KIAA0825: variants seen among roughly 807,000 people sequenced by gnomAD.
KIAA0825 encodes uncharacterized protein KIAA0825.
In KIAA0825, 119 loss-of-function variants were observed where a neutral mutation model predicts 147.6. The ratio of observed to expected loss-of-function variants is 0.81; its 90% confidence interval spans 0.69 to 0.94. KIAA0825 has a LOEUF of 0.94. Ranked by LOEUF, KIAA0825 falls within the 40% of genes least tolerant of loss-of-function variation. KIAA0825 has a pLI of 0.00. For missense variants in KIAA0825, 1,381 were observed against 1,472.7 expected, an observed-to-expected ratio of 0.94 and a Z score of 1.02; for synonymous variants, 470 against 518.1, an observed-to-expected ratio of 0.91 and a Z score of 1.26.
In KIAA0825 at chr5:94,616,357, T is replaced by C. The variant is rs141840856; in HGVS notation, c.-153+2143A>G. On this transcript the variant is annotated intron_variant, in intron 1 of 20. Transcript: ENST00000682413. The stretch of plus-strand genomic sequence containing the variant: ...GCTATTTCTGTTTCTCTATATAGAA[T>C]TGGGTATTGGGATGGGCAGGTTTAA... 4.0e-3 allele frequency among the ~76,000 whole-genome samples: 606 copies of C among 152,302 alleles called. 3 individuals are homozygous for C. The highest frequency in any genetic ancestry group is 6.2e-3 in the Non-Finnish European group (419 of 68,012).
chr5:94,596,406 T>C (rs1369412696), intron 1 of KIAA0825, among the ~76,000 whole-genome samples: 1 of 152,186 alleles, frequency 6.6e-6, no homozygotes, highest in African/African-American at 2.4e-5. Context: ...TGTGGCCTTA[T>C]TTCTGGGCTC....
At chr5:94,539,622 G>A (rs932823117) in intron 2 of KIAA0825, among the ~76,000 whole-genome samples, 2 of 152,114 alleles carry the variant, frequency 1.3e-5, no homozygotes, top group African/African-American at 4.8e-5. Context: ...CCAACTCTGG[G>A]TAAGTGGTGG....
At chr5:94,599,838 G>A (rs1347845773) in intron 1 of KIAA0825, among the ~76,000 whole-genome samples, 2 of 152,106 alleles carry the variant, frequency 1.3e-5, no homozygotes, top group Non-Finnish European at 2.9e-5. Flanking sequence ...ATGGAATGCC[G>A]CAGAGGTTTT....
chr5:94,209,913 G>C (rs1772548459), intron 20 of KIAA0825, among the ~76,000 whole-genome samples: 3 of 152,172 alleles, frequency 2.0e-5, no homozygotes, highest in Admixed American at 2.0e-4. Context: ...GCTACATTTG[G>C]ACTAAATGAG....
chr5:94,611,994 C>T (rs1788944878), intron 1 of KIAA0825: 2 of 151,902 alleles, frequency 1.3e-5, no homozygotes, highest in South Asian at 4.2e-4. Context: ...TTATAGGCTA[C>T]CTGAATTTAG....
intron 3 of KIAA0825, among the ~76,000 whole-genome samples, chr5:94,529,204 A>C (rs1485932929): frequency 7.7e-6 from 1 of 129,488 alleles, no homozygotes; most frequent in Non-Finnish European, 1.6e-5. Context: ...GAAGTAGTAT[A>C]TATATCATAT....
At chr5:94,582,098 CAGTT>C (rs1468856701) in intron 2 of KIAA0825, among the ~76,000 whole-genome samples, 3 of 152,242 alleles carry the variant, frequency 2.0e-5, no homozygotes, top group African/African-American at 7.2e-5. Flanking sequence ...CAAGTAAAGT[CAGTT>C]AGTGGTGGTT....
At chr5:94,597,323 T>C (rs1248650001) in intron 1 of KIAA0825, among the ~76,000 whole-genome samples, 2 of 152,168 alleles carry the variant, frequency 1.3e-5, no homozygotes, top group Admixed American at 6.5e-5. Context: ...ACATATGTTT[T>C]ATCAGCACAA....
chr5:94,478,535 C>T (rs1243619556), intron 6 of KIAA0825, among the ~76,000 whole-genome samples: 1 of 151,696 alleles, frequency 6.6e-6, no homozygotes, highest in Non-Finnish European at 1.5e-5. Flanking sequence ...ATCCAATGGA[C>T]TGCAGTTTAA....
At chr5:94,469,939 G>A (rs1168800645) in intron 10 of KIAA0825, 22 bp downstream of exon 10, 2 of 1,527,294 alleles carry the variant, frequency 1.3e-6, no homozygotes, top group African/African-American at 1.4e-5. Flanking sequence ...AAAAAGGAGG[G>A]ATAGTAAACT....
At chr5:94,403,447 T>G (rs1751654048) in intron 16 of KIAA0825, 122 bp downstream of exon 16, 1 of 697,740 alleles carries the variant, frequency 1.4e-6, no homozygotes, top group East Asian at 2.7e-5. Context: ...GCACATCTAC[T>G]TAATGGAAGG....
At chr5:94,318,819 AG>A (rs1406007091) in intron 20 of KIAA0825, among the ~76,000 whole-genome samples, 5 of 151,928 alleles carry the variant, frequency 3.3e-5, no homozygotes, top group African/African-American at 1.2e-4. Context: ...TTGAGGAAGT[AG>A]GACAGGACCA....
At chr5:94,587,247 C>T (rs1783474996) in intron 1 of KIAA0825, among the ~76,000 whole-genome samples, 1 of 152,158 alleles carries the variant, frequency 6.6e-6, no homozygotes, top group Non-Finnish European at 1.5e-5. Context: ...AAGAGGAAGT[C>T]AAATTGTCCC....
intron 20 of KIAA0825, among the ~76,000 whole-genome samples, chr5:94,185,449 A>G (rs1770035793): frequency 1.3e-5 from 2 of 152,194 alleles, no homozygotes; most frequent in Admixed American, 1.3e-4. Context: ...GCCACATATT[A>G]AATATTTGTA....
intron 14 of KIAA0825, among the ~76,000 whole-genome samples, chr5:94,425,533 A>C (rs1754745285): frequency 6.6e-6 from 1 of 152,122 alleles, no homozygotes; most frequent in African/African-American, 2.4e-5. Flanking sequence ...GCGGCCAGGC[A>C]TTCAAGACCA....
intron 20 of KIAA0825, among the ~76,000 whole-genome samples, chr5:94,195,892 AAC>A (rs1361719357): frequency 2.0e-5 from 3 of 152,106 alleles, no homozygotes; most frequent in Non-Finnish European, 4.4e-5. Flanking sequence ...ATTAAGTGAC[AAC>A]AGTGGCAGAT....
At chr5:94,286,956 T>A (rs944382881) in intron 20 of KIAA0825, among the ~76,000 whole-genome samples, 3 of 152,152 alleles carry the variant, frequency 2.0e-5, no homozygotes, top group African/African-American at 7.2e-5. Context: ...GCTCGTCTTA[T>A]AACCAGAGTT....
intron 20 of KIAA0825, among the ~76,000 whole-genome samples, chr5:94,169,025 C>G (rs573574837): frequency 1.3e-5 from 2 of 152,092 alleles, no homozygotes; most frequent in African/African-American, 4.8e-5. Context: ...CTAAAGTTAT[C>G]AAAAATTGAG....
At chr5:94,589,381 G>A (rs1342725261) in intron 1 of KIAA0825, among the ~76,000 whole-genome samples, 4 of 152,056 alleles carry the variant, frequency 2.6e-5, no homozygotes. Flanking sequence ...TGTTATTCTT[G>A]GCTATTGACA....
Sources: gnomAD v4.1 joint callset for allele counts (sites outside exome capture counted in the v4.1 genomes callset) on GRCh38, gnomAD v4.1.1 for gene constraint, MANE v1.5 for transcripts, NCBI Gene and HGNC (gene_info 2026-07-23, HGNC 2026-07-21) for gene names.